The following EFL1 variants were observed in gnomAD, a reference collection of about 807,000 sequenced individuals.
EFL1 encodes elongation factor like GTPase 1.
In EFL1, 76 loss-of-function variants were observed where a neutral mutation model predicts 126.7. The observed-to-expected ratio is 0.60, with a 90% confidence interval of 0.50 to 0.73. The LOEUF (loss-of-function observed/expected upper bound fraction) is 0.73. Ranked by LOEUF, EFL1 falls within the 30% of genes least tolerant of loss-of-function variation. EFL1 has a pLI of 0.00. For missense variants in EFL1, 1,128 were observed against 1,343.2 expected, an observed-to-expected ratio of 0.84 and a Z score of 2.50; for synonymous variants, 410 against 448.4, an observed-to-expected ratio of 0.91 and a Z score of 1.08.
rs147572024 is a variant in EFL1, at chr15:82,202,610, G to T, written c.1750+12107C>A. ...GAAACCAAGGATCGGTGAGGCAGAA[G>T]AGAGGATCAGAGAGGTTGAAGAGAA... On this transcript the variant is annotated intron_variant, in intron 15 of 19. Transcript: ENST00000268206. Among the ~76,000 whole-genome samples the T allele has an allele frequency of 5.3e-5, 8 of 152,298 alleles. No individual in the cohort carries two copies. In the East Asian group the frequency reaches 1.4e-3, roughly 26 times the overall value.
At chr15:82,224,949 T>C (rs2074746438) in intron 12 of EFL1, among the ~76,000 whole-genome samples, 2 of 152,210 alleles carry the variant, frequency 1.3e-5, no homozygotes, top group African/African-American at 4.8e-5. Flanking sequence ...TTCAATTCAA[T>C]ATTCCAGAGC....
rs755923768 is a variant in EFL1 at position 82,238,379 on chromosome 15, T to C, written c.659A>G (p.Asp220Gly). 2 of 1,614,208 alleles carry C rather than the reference T, an allele frequency of 1.2e-6. No individual in the cohort carries two copies. Among genetic ancestry groups the C allele is most frequent in the Non-Finnish European group, 1.7e-6 (2 of 1,180,038 alleles). Residue 220 changes from aspartate to glycine, a missense_variant, in exon 7 of 20, where the codon GAT becomes GGT. Transcript: ENST00000268206. ...TTCTGGAGAGAAGTAAAGGTGAGAA[T>C]CATCTGTGTCCTCCAAGCCAGTGCT... is the stretch of plus-strand genomic sequence containing the variant. ...DWSTGLEDTD[D>G]SHLYFSPEQG...
chr15:82,167,220 C>T (rs2074088951), intron 15 of EFL1, among the ~76,000 whole-genome samples: 1 of 152,056 alleles, frequency 6.6e-6, no homozygotes, highest in South Asian at 2.1e-4. Flanking sequence ...TTTATAGAAA[C>T]ACCAGTACTT....
intron 18 of EFL1, among the ~76,000 whole-genome samples, chr15:82,149,435 A>T (rs539825859): frequency 1.3e-5 from 2 of 152,316 alleles, no homozygotes; most frequent in African/African-American, 4.8e-5. Context: ...TTGACTTCTC[A>T]TATGAATTAA....
rs370532421 is a variant in EFL1 at position 82,262,669 on chromosome 15, G to A, written c.-75C>T. 5.5e-6 allele frequency: 3 copies of A among 542,590 alleles called. No individual in the cohort carries two copies. The highest frequency in any genetic ancestry group is 4.5e-5 in the South Asian group (2 of 44,400). The allele number at this position is 542,590 out of a possible 1,614,324, so 33.6% of individuals were successfully genotyped here. A position where few individuals can be genotyped will look rare whatever the true frequency, so the allele number is the denominator to read the frequency against. On this transcript the variant is annotated 5_prime_UTR_variant, in exon 1 of 20. Coordinates refer to ENST00000268206, the MANE Select transcript of EFL1 (RefSeq NM_024580.6). The stretch of plus-strand genomic sequence containing the variant: ...TTCTCTCGGGTCGCACCCACACCGA[G>A]AGCTTCCGAAAGTCCGAGAGCTCTG...
At chr15:82,163,796 A>G in intron 16 of EFL1, 57 bp downstream of exon 16, 1 of 1,578,124 alleles carries the variant, frequency 6.3e-7, no homozygotes, top group Non-Finnish European at 8.6e-7. Context: ...TACTAAATAC[A>G]TGCATATGCT....
At chr15:82,173,941 G>A (rs2074163732) in intron 15 of EFL1, among the ~76,000 whole-genome samples, 1 of 152,054 alleles carries the variant, frequency 6.6e-6, no homozygotes, top group Non-Finnish European at 1.5e-5. Flanking sequence ...TGTAATCCCA[G>A]CACTTTGGGA....
At chr15:82,243,771 G>T (rs62012054) in intron 4 of EFL1, among the ~76,000 whole-genome samples, 69,026 of 149,674 alleles carry the variant, frequency 0.46, 16,447 homozygotes, top group African/African-American at 0.52. Flanking sequence ...GCTCCCCTAA[G>T]TACGCGTCCA....
chr15:82,156,601 T>A (rs1352358140), intron 17 of EFL1, among the ~76,000 whole-genome samples: 1 of 149,300 alleles, frequency 6.7e-6, no homozygotes. Context: ...TTATTCTTAT[T>A]CTATTATTAG....
chr15:82,253,004 T>A (rs952036951), intron 3 of EFL1, among the ~76,000 whole-genome samples: 13 of 151,682 alleles, frequency 8.6e-5, no homozygotes, highest in African/African-American at 2.9e-4. Flanking sequence ...GTGTGAACCA[T>A]CATGCCCAGC....
intron 18 of EFL1, among the ~76,000 whole-genome samples, chr15:82,147,376 T>C (rs1476947525): frequency 6.6e-6 from 1 of 152,066 alleles, no homozygotes; most frequent in African/African-American, 2.4e-5. Flanking sequence ...ACGCCTGTAA[T>C]CCCAGCATTT....
intron 15 of EFL1, among the ~76,000 whole-genome samples, chr15:82,196,134 A>G (rs2074405887): frequency 6.6e-6 from 1 of 152,180 alleles, no homozygotes; most frequent in Non-Finnish European, 1.5e-5. Context: ...AGGTCAGAAG[A>G]AGCAGACAGT....
chr15:82,138,613 T>G, intron 19 of EFL1, 45 bp downstream of exon 19: 1 of 1,597,530 alleles, frequency 6.3e-7, no homozygotes. Flanking sequence ...AGGGAATGTA[T>G]CCATAGATGA....
intron 18 of EFL1, among the ~76,000 whole-genome samples, chr15:82,143,267 C>T (rs2073808436): frequency 6.6e-6 from 1 of 151,972 alleles, no homozygotes; most frequent in South Asian, 2.1e-4. Flanking sequence ...TGAAAGCATG[C>T]CTATAAAATA....
At chr15:82,229,222 T>C in intron 8 of EFL1, 112 bp from the exon 9 acceptor site, 1 of 847,762 alleles carries the variant, frequency 1.2e-6, no homozygotes, top group East Asian at 2.8e-5. Flanking sequence ...TGAAAATATT[T>C]ATTCAAAAAT....
intron 15 of EFL1, among the ~76,000 whole-genome samples, chr15:82,178,713 A>T (rs919873135): frequency 6.6e-6 from 1 of 152,230 alleles, no homozygotes; most frequent in African/African-American, 2.4e-5. Flanking sequence ...ATTTCATTCC[A>T]GGAGGTATCC....
chr15:82,133,737 T>C (rs2141207574), intron 19 of EFL1, among the ~76,000 whole-genome samples: 1 of 152,314 alleles, frequency 6.6e-6, no homozygotes, highest in South Asian at 2.1e-4. Context: ...TCAACATTCA[T>C]AAGAAACACA....
chr15:82,215,617 T>TAACC (rs987362946), intron 14 of EFL1: 2 of 152,164 alleles, frequency 1.3e-5, no homozygotes, highest in Non-Finnish European at 2.9e-5. Flanking sequence ...GCATTTCAAT[T>TAACC]AACCAACCAA....
At chr15:82,230,426 T>G (rs1288496547) in intron 8 of EFL1, among the ~76,000 whole-genome samples, 1 of 152,036 alleles carries the variant, frequency 6.6e-6, no homozygotes, top group African/African-American at 2.4e-5. Flanking sequence ...CGATCTACAC[T>G]GCACGATGAC....
Sources: allele counts gnomAD v4.1 joint callset (sites outside exome capture counted in the v4.1 genomes callset), GRCh38; gene constraint gnomAD v4.1.1; transcripts MANE v1.5; gene names NCBI Gene and HGNC (gene_info 2026-07-23, HGNC 2026-07-21).